The following NUP107 variants were observed in gnomAD, a reference collection of about 807,000 sequenced individuals.
The protein encoded by NUP107 is nucleoporin 107.
In NUP107, 101 loss-of-function variants were observed where a neutral mutation model predicts 141.0. The ratio of observed to expected loss-of-function variants is 0.72; its 90% CI spans 0.61 to 0.84. The LOEUF (loss-of-function observed/expected upper bound fraction) is 0.84, where lower values mean the gene tolerates loss of function less well. Ranked by LOEUF, NUP107 falls within the 40% of genes least tolerant of loss-of-function variation. The pLI is 0.00. For synonymous variants in NUP107, 319 were observed against 363.9 expected, an observed-to-expected ratio of 0.88 and a Z score of 1.41; for missense variants, 941 against 1,102.7, an observed-to-expected ratio of 0.85 and a Z score of 2.08.
intron 12 of NUP107, among the ~76,000 whole-genome samples, chr12:68,716,651 C>A (rs897426512): frequency 2.6e-5 from 4 of 152,148 alleles, no homozygotes; most frequent in African/African-American, 9.7e-5. Flanking sequence ...TCCTTTTAAC[C>A]TTACCTTTTA....
intron 5 of NUP107, among the ~76,000 whole-genome samples, chr12:68,692,387 T>C (rs2135998025): frequency 6.6e-6 from 1 of 152,184 alleles, no homozygotes; most frequent in Middle Eastern, 3.4e-3. Flanking sequence ...AAGACCAGCC[T>C]GGCCAACATG....
chr12:68,745,140 T>A lies in NUP107; in HGVS notation c.*2678T>A, dbSNP rs1205457064. On this transcript the variant is annotated 3_prime_UTR_variant, in exon 28 of 28. Coordinates refer to ENST00000229179, the MANE Select transcript of NUP107 (RefSeq NM_020401.4). ...TATGTTGCCCATCCCGGCTTCCAAC[T>A]CCTGGGCTCAAGCAATCCTCCCACG... 1 of 152,206 alleles carries A rather than the reference T, an allele frequency of 6.6e-6. No homozygotes were observed. Among genetic ancestry groups the A allele is most frequent in the Non-Finnish European group, 1.5e-5 (1 of 68,036 alleles). 9.4% of individuals were successfully genotyped at this position (152,206 alleles called of 1,614,324 possible). A position where few individuals can be genotyped will look rare whatever the true frequency, so the allele number is the denominator to read the frequency against.
rs200966489 is a variant in NUP107 at position 68,734,687 on chromosome 12, T to C, written c.2263-21T>C. 3,655 of 1,495,178 alleles carry C rather than the reference T, an allele frequency of 2.4e-3. 117 individuals carry two copies. The East Asian group carries it at 0.074, about 30-fold the overall frequency. 92.6% of individuals were successfully genotyped at this position (1,495,178 alleles called of 1,614,324 possible). A position where few individuals can be genotyped will look rare whatever the true frequency, so the allele number is the denominator to read the frequency against. On this transcript the variant is annotated intron_variant, in intron 24 of 27. Transcript: ENST00000229179. ...AAACTTTTGTTATTTTATATTTTGG[T>C]TTTTTTATTTCACATTTTAGGAAGC... is the stretch of plus-strand genomic sequence containing the variant.
chr12:68,711,953 A>G (rs1167038954), intron 10 of NUP107, among the ~76,000 whole-genome samples: 1 of 152,188 alleles, frequency 6.6e-6, no homozygotes, highest in African/African-American at 2.4e-5. Flanking sequence ...ATATCAGAAG[A>G]TGATCTTCTG....
intron 9 of NUP107, among the ~76,000 whole-genome samples, 160 bp from the exon 10 acceptor site, chr12:68,709,845 T>C (rs1003704835): frequency 4.6e-5 from 7 of 151,620 alleles, no homozygotes; most frequent in South Asian, 2.1e-4. Flanking sequence ...GCCGAGATTA[T>C]GCCACTGCAC....
intron 7 of NUP107, among the ~76,000 whole-genome samples, chr12:68,702,031 C>T (rs1876354658): frequency 6.6e-6 from 1 of 152,022 alleles, no homozygotes; most frequent in Admixed American, 6.6e-5. Flanking sequence ...CTCTGTTGCC[C>T]AGGCTGGAAT....
In NUP107 at chr12:68,704,490, A is replaced by G. The variant is rs191152637; in HGVS notation, c.729+1706A>G. Among the ~76,000 whole-genome samples, 1,253 of 150,952 alleles carry G rather than the reference A, an allele frequency of 8.3e-3. 15 individuals are homozygous for G. The highest frequency in any genetic ancestry group is 0.014 in the African/African-American group (561 of 41,078). On this transcript the variant is annotated intron_variant, in intron 8 of 27. Transcript: ENST00000229179. ...TTTTTAAGAGATAGGGTCTTGCTCTATTGCCCAGGCTGGAGTGCAGTGGCG... is the reference window on the plus strand; with the variant it reads ...TTTTTAAGAGATAGGGTCTTGCTCTGTTGCCCAGGCTGGAGTGCAGTGGCG...
At chr12:68,738,323 G>A (rs1003630954) in intron 26 of NUP107, among the ~76,000 whole-genome samples, 6 of 151,332 alleles carry the variant, frequency 4.0e-5, no homozygotes, top group East Asian at 1.9e-4. Context: ...GGTGGCTCGC[G>A]CCTGTAATCC....
chr12:68,709,107 G>A, intron 8 of NUP107, 131 bp from the exon 9 acceptor site: 1 of 605,042 alleles, frequency 1.7e-6, no homozygotes, highest in Non-Finnish European at 2.8e-6. Context: ...TTTACTATGT[G>A]GTAAAATGTT....
intron 1 of NUP107, among the ~76,000 whole-genome samples, chr12:68,688,186 GT>G (rs11333944): frequency 0.33 from 48,517 of 148,628 alleles, 7,863 homozygotes; most frequent in Middle Eastern, 0.36. Context: ...CTATCTGAAG[GT>G]TTTTTTTTTT....
intron 20 of NUP107, among the ~76,000 whole-genome samples, chr12:68,729,796 T>TC (rs1036140866): frequency 1.4e-5 from 2 of 145,436 alleles, no homozygotes; most frequent in African/African-American, 2.5e-5. Context: ...TTGTGAGTCT[T>TC]TTTTTTTTTT....
chr12:68,710,065 A>C lies in NUP107; in HGVS notation c.862A>C (p.Ile288Leu). ...KDEIGEFSDN[I>L]EFYAKSVYWE... Reference sequence around the variant, plus strand: ...TGAAATTGGAGAATTTTCTGATAATATTGAGTTTTATGCAAAATCAGTATA... The same window carrying C: ...TGAAATTGGAGAATTTTCTGATAATCTTGAGTTTTATGCAAAATCAGTATA... Residue 288 changes from isoleucine to leucine, a missense_variant, in exon 10 of 28, where the codon ATT (isoleucine) becomes CTT (leucine). Transcript: ENST00000229179. 6.3e-7 allele frequency: 1 copy of C among 1,584,104 alleles called. No homozygotes were observed. Among genetic ancestry groups the C allele is most frequent in the Non-Finnish European group, 8.7e-7 (1 of 1,154,612 alleles).
chr12:68,705,828 A>C (rs1348905792), intron 8 of NUP107: 2 of 770,244 alleles, frequency 2.6e-6, no homozygotes, highest in East Asian at 2.4e-5. Context: ...GCATCACCCC[A>C]GTCACGGTCA....
chr12:68,706,046 A>C, intron 8 of NUP107: 1 of 820,538 alleles, frequency 1.2e-6, no homozygotes, highest in Non-Finnish European at 2.1e-6. Flanking sequence ...AACATGGACA[A>C]CATGTTCGAG....
chr12:68,735,844 G>C (rs1878044456), intron 26 of NUP107, among the ~76,000 whole-genome samples: 1 of 152,144 alleles, frequency 6.6e-6, no homozygotes, highest in African/African-American at 2.4e-5. Flanking sequence ...TATATAGCCT[G>C]TGTTGAGAAC....
chr12:68,733,324 A>T, intron 23 of NUP107, 128 bp from the exon 24 acceptor site: 1 of 745,166 alleles, frequency 1.3e-6, no homozygotes, highest in Non-Finnish European at 2.1e-6. Flanking sequence ...CAAGACCTTT[A>T]ACAGAGTGCC....
chr12:68,694,236 A>G (rs1875943442), intron 5 of NUP107, among the ~76,000 whole-genome samples: 2 of 152,238 alleles, frequency 1.3e-5, no homozygotes, highest in African/African-American at 4.8e-5. Flanking sequence ...ATTTTCCCAG[A>G]GTGGAACATG....
At chr12:68,695,070 C>T (rs989526319) in intron 5 of NUP107, among the ~76,000 whole-genome samples, 1 of 152,130 alleles carries the variant, frequency 6.6e-6, no homozygotes, top group African/African-American at 2.4e-5. Flanking sequence ...GTTAGTGTGG[C>T]TACTGAAAAA....
At position 68,687,001 on chromosome 12, in the gene NUP107, G is replaced by T; in HGVS notation, c.-65G>T. 1 of 1,610,410 alleles carries T rather than the reference G, an allele frequency of 6.2e-7. No homozygotes were observed. The highest frequency in any genetic ancestry group is 1.1e-5 in the South Asian group (1 of 90,968). ...TCGAAGGGCTTGCTTCCGGAGAGCG[G>T]GAAGGCTAAAACGCGGTAGCTAAAC... is the stretch of plus-strand genomic sequence containing the variant. On this transcript the variant is annotated 5_prime_UTR_variant, in exon 1 of 28. Transcript: ENST00000229179.
Sources: allele counts gnomAD v4.1 joint callset (sites outside exome capture counted in the v4.1 genomes callset), GRCh38; gene constraint gnomAD v4.1.1; transcripts MANE v1.5; gene names NCBI Gene and HGNC (gene_info 2026-07-23, HGNC 2026-07-21).